Variants in TNRC6C observed in about 807,000 individuals in gnomAD.
TNRC6C encodes trinucleotide repeat-containing gene 6C protein.
In TNRC6C, 20 loss-of-function variants were observed where a neutral mutation model predicts 153.7. The observed-to-expected ratio is 0.13, with a 90% CI of 0.09 to 0.19. The LOEUF is 0.19. TNRC6C is among the 10% of genes least tolerant of loss of function. The probability of loss-of-function intolerance (pLI) is 1.00; values close to 1 mark genes in which losing one functional copy is unlikely to be tolerated. For missense variants in TNRC6C, 1,987 were observed against 2,172.0 expected (o/e 0.91, Z 1.69); for synonymous variants, 811 against 841.4 (o/e 0.96, Z 0.63).
chr17:78,084,867 G>C (rs185900075), intron 11 of TNRC6C, among the ~76,000 whole-genome samples: 1 of 152,172 alleles, frequency 6.6e-6, no homozygotes, highest in African/African-American at 2.4e-5. Context: ...CCTTACCTCA[G>C]GTGATCCTCC....
rs114278850 is a variant in TNRC6C at position 78,072,390 on chromosome 17, C to T, written c.2860-647C>T. Among the ~76,000 whole-genome samples, 145 of 152,268 alleles carry T rather than the reference C, an allele frequency of 9.5e-4. 1 individual carries two copies. The highest frequency in any genetic ancestry group is 3.3e-3 in the African/African-American group (138 of 41,534). Reference sequence around the variant, plus strand: ...ATGGTGGAGCCTAGAGTTGATGAAGCGAAAAATGCAGCTCTGCACTCCGAC... The same window carrying T: ...ATGGTGGAGCCTAGAGTTGATGAAGTGAAAAATGCAGCTCTGCACTCCGAC... On this transcript the variant is annotated intron_variant, in intron 6 of 19. Transcript: ENST00000301624.
intron 10 of TNRC6C, among the ~76,000 whole-genome samples, chr17:78,081,134 T>G (rs1176791273): frequency 6.6e-6 from 1 of 152,186 alleles, no homozygotes; most frequent in African/African-American, 2.4e-5. Flanking sequence ...CATCCTCATG[T>G]GGTGGAAGGG....
intron 1 of TNRC6C, among the ~76,000 whole-genome samples, chr17:77,978,203 C>G (rs1326997694): frequency 2.6e-5 from 4 of 152,104 alleles, no homozygotes; most frequent in Admixed American, 6.6e-5. Context: ...GGCCTAAAAC[C>G]TCTTTCTAAA....
Position 78,097,700 on chromosome 17 carries a change from C to A in TNRC6C, c.4307-643C>A, listed in dbSNP as rs746115714. On this transcript the variant is annotated intron_variant, in intron 16 of 19. Coordinates refer to ENST00000301624, the Ensembl canonical transcript of TNRC6C. ...CACCCCACAGTTAGAGTCATGAACC[C>A]GGACACCGCCACCACCTTGCTCAGT... 8 of 1,412,672 alleles carry A rather than the reference C, an allele frequency of 5.7e-6. No individual in the cohort carries two copies. The African/African-American group carries it at 1.2e-4, about 20-fold the overall frequency. 87.5% of individuals were successfully genotyped at this position (1,412,672 alleles called of 1,614,324 possible).
At chr17:78,106,767 G>T (rs2073704629) in exon 20 of TNRC6C, 1 of 151,208 alleles carries the variant, frequency 6.6e-6, no homozygotes, top group Non-Finnish European at 1.5e-5. Context: ...ATACCTTCAA[G>T]TATGTTTTAA....
intron 1 of TNRC6C, among the ~76,000 whole-genome samples, chr17:78,015,276 AATAACGTCCTGTTG>A (rs2071706620): frequency 6.6e-6 from 1 of 152,186 alleles, no homozygotes; most frequent in South Asian, 2.1e-4. Context: ...TCATCTATTC[AATAACGTCCTGTTG>A]ACAGAGGTGG....
chr17:78,077,178 C>A lies in TNRC6C; in HGVS notation c.3061-7C>A. On this transcript the variant is annotated splice_polypyrimidine_tract_variant and splice_region_variant and intron_variant, in intron 8 of 19. Coordinates refer to ENST00000301624, the Ensembl canonical transcript of TNRC6C. ...GCACACAGCTCACCCTTTCTTTCTC[C>A]AATCAGGATGGCGGCCTCGTGGAAG... 6.3e-7 allele frequency: 1 copy of A among 1,597,872 alleles called. No homozygotes were observed. The highest frequency in any genetic ancestry group is 1.7e-5 in the Admixed American group (1 of 58,044).
intron 17 of TNRC6C, among the ~76,000 whole-genome samples, chr17:78,099,940 A>C (rs1241301414): frequency 6.6e-6 from 1 of 152,222 alleles, no homozygotes; most frequent in Non-Finnish European, 1.5e-5. Flanking sequence ...AAATGGGAGA[A>C]ATTGGCCAAA....
chr17:78,049,694 C>A lies in TNRC6C; in HGVS notation c.632C>A (p.Ala211Asp). Residue 211 changes from alanine (A) to aspartate (D), a missense_variant, in exon 3 of 20, where the codon GCT becomes GAT. Around this residue, in one of 4 missense-constraint regions of TNRC6C, gnomAD observed 1,052 missense variants for 1,017.0 expected, o/e 1.03. Transcript: ENST00000301624. This position sits in a 1 kb window ranked among gnomAD's most constrained non-coding sequence, Gnocchi z 4.1. The stretch of plus-strand genomic sequence containing the variant: ...AATGGACTGCCAAACTGGGGCATGG[C>A]TGTTGGTATGGGGGCCATCATCCCG... 6.2e-7 allele frequency: 1 copy of A among 1,607,688 alleles called. No homozygotes were observed. Among genetic ancestry groups the A allele is most frequent in the Non-Finnish European group, 8.5e-7 (1 of 1,175,568 alleles).
intron 2 of TNRC6C, among the ~76,000 whole-genome samples, chr17:78,041,273 G>T (rs915371659): frequency 6.6e-6 from 1 of 152,166 alleles, no homozygotes; most frequent in Non-Finnish European, 1.5e-5. Flanking sequence ...ATTCAGATTG[G>T]ATAAAATGGC....
chr17:78,054,492 C>T (rs1184926538), intron 3 of TNRC6C, among the ~76,000 whole-genome samples: 3 of 152,182 alleles, frequency 2.0e-5, no homozygotes, highest in East Asian at 3.9e-4. Flanking sequence ...CTGCAGACTA[C>T]TGTACACCAC....
In TNRC6C at chr17:78,071,077, T is replaced by C. The variant is rs2072985717; in HGVS notation, c.2779-8T>C. 2 of 1,596,668 alleles carry C rather than the reference T, an allele frequency of 1.3e-6. No individual in the cohort carries two copies. Among genetic ancestry groups the C allele is most frequent in the East Asian group, 2.3e-5 (1 of 44,270 alleles). The stretch of plus-strand genomic sequence containing the variant: ...ATGGACTTCCCCCTTTCCCACACTT[T>C]GTTCAAGGGCATGAAGACGTCTGGC... On this transcript the variant is annotated splice_polypyrimidine_tract_variant and splice_region_variant and intron_variant, in intron 5 of 19. Transcript: ENST00000301624.
At chr17:78,027,251 G>A (rs972204223) in intron 1 of TNRC6C, among the ~76,000 whole-genome samples, 2 of 152,178 alleles carry the variant, frequency 1.3e-5, no homozygotes, top group African/African-American at 2.4e-5. Context: ...GGTTTGGCAG[G>A]AGGAGAGGAG....
chr17:78,074,461 A>G (rs1054854340), intron 7 of TNRC6C, among the ~76,000 whole-genome samples: 3 of 152,220 alleles, frequency 2.0e-5, no homozygotes, highest in Non-Finnish European at 4.4e-5. Context: ...ACGTGCGACA[A>G]CGTGTGGTGC....
At chr17:78,067,833 A>G in exon 5 of TNRC6C, 1 of 1,614,008 alleles carries the variant, frequency 6.2e-7, no homozygotes, top group Non-Finnish European at 8.5e-7. Flanking sequence ...GGGAGGATGA[A>G]GAAGGGGACG....
chr17:78,031,023 C>T (rs576159952), intron 1 of TNRC6C, among the ~76,000 whole-genome samples: 2 of 152,156 alleles, frequency 1.3e-5, no homozygotes, highest in South Asian at 2.1e-4. Context: ...CACTTGAATC[C>T]GGGAGGTGGA....
exon 5 of TNRC6C, chr17:78,067,783 G>C: frequency 6.2e-7 from 1 of 1,613,000 alleles, no homozygotes; most frequent in Non-Finnish European, 8.5e-7. Flanking sequence ...AGAAGGCTGG[G>C]GCAGTGGTGG....
chr17:78,093,759 T>C (rs761410571), exon 16 of TNRC6C: 1 of 1,613,394 alleles, frequency 6.2e-7, no homozygotes, highest in East Asian at 2.2e-5. Context: ...TCCTCAAGAG[T>C]GGAGGTGAGG....
intron 1 of TNRC6C, among the ~76,000 whole-genome samples, chr17:78,024,291 C>T (rs1313165435): frequency 1.3e-5 from 2 of 152,094 alleles, no homozygotes; most frequent in Non-Finnish European, 2.9e-5. Flanking sequence ...AAGTTTTCTT[C>T]TCTGTTGTGG....
Sources: allele counts gnomAD v4.1 joint callset (sites outside exome capture counted in the v4.1 genomes callset), GRCh38; gene constraint gnomAD v4.1.1; regional missense constraint gnomAD v4.1.1; non-coding constraint Gnocchi (gnomAD v3.1); transcripts MANE v1.5; gene names NCBI Gene and HGNC (gene_info 2026-07-23, HGNC 2026-07-21).